AMPH: variants seen among roughly 807,000 people sequenced by gnomAD.
AMPH encodes amphiphysin (Stiff-Mann syndrome with breast cancer 128kD autoantigen).
AMPH carries 49 observed loss-of-function variants against 99.1 expected under a neutral mutation model. The observed-to-expected ratio is 0.49, with a 90% CI of 0.39 to 0.63. AMPH has a LOEUF of 0.63. Among genes scored for constraint, AMPH ranks in the 20% least tolerant of loss-of-function variants. The pLI is 0.00. For missense variants in AMPH, 759 were observed against 863.4 expected (o/e 0.88, Z 1.52); for synonymous variants, 314 against 317.3 (o/e 0.99, Z 0.11).
chr7:38,453,359 G>A (rs1787106378), intron 11 of AMPH, among the ~76,000 whole-genome samples: 1 of 152,180 alleles, frequency 6.6e-6, no homozygotes, highest in Non-Finnish European at 1.5e-5. Context: ...TATGCATAAA[G>A]CACTAGCAAA....
At chr7:38,403,703 G>C (rs942959221) in intron 17 of AMPH, among the ~76,000 whole-genome samples, 2 of 152,214 alleles carry the variant, frequency 1.3e-5, no homozygotes, top group Non-Finnish European at 2.9e-5. Flanking sequence ...GTGCCCCTTG[G>C]AACAAAGGAA....
chr7:38,420,919 A>T, intron 16 of AMPH: 1 of 456,194 alleles, frequency 2.2e-6, no homozygotes, highest in South Asian at 1.6e-5. Flanking sequence ...TACCTCGCTC[A>T]GAATAGTCAA....
intron 5 of AMPH, among the ~76,000 whole-genome samples, chr7:38,479,533 A>G (rs1788213101): frequency 6.6e-6 from 1 of 151,924 alleles, no homozygotes; most frequent in East Asian, 1.9e-4. Flanking sequence ...AAGGTAACTG[A>G]TCATTCAGAG....
chr7:38,407,046 C>CTATATA (rs1785036862), intron 17 of AMPH, among the ~76,000 whole-genome samples: 1 of 15,080 alleles, frequency 6.6e-5, no homozygotes, highest in Non-Finnish European at 1.4e-4. Context: ...CTCTCTCTCT[C>CTATATA]TCTATATATA....
intron 17 of AMPH, among the ~76,000 whole-genome samples, chr7:38,399,539 G>T (rs1313951840): frequency 6.6e-6 from 1 of 152,198 alleles, no homozygotes; most frequent in Non-Finnish European, 1.5e-5. Flanking sequence ...ATCAATGAAA[G>T]TTATACCTCT....
Position 38,513,928 on chromosome 7 carries a change from A to G in AMPH, c.151-10224T>C, listed in dbSNP as rs117280377. Among the ~76,000 whole-genome samples, 41 of 152,244 alleles carry G rather than the reference A, an allele frequency of 2.7e-4. 1 individual carries two copies. The East Asian group carries it at 4.8e-3, about 18-fold the overall frequency. On this transcript the variant is annotated intron_variant, in intron 2 of 20. Coordinates refer to ENST00000356264, the MANE Select transcript of AMPH (RefSeq NM_001635.4). ...CACATATTTCTGCCTTCTTAAGAAA[A>G]TGTTCTTTTGACCCTCACTCCTTCT...
intron 18 of AMPH, among the ~76,000 whole-genome samples, chr7:38,393,777 C>T (rs1042353234): frequency 6.6e-6 from 1 of 152,174 alleles, no homozygotes; most frequent in African/African-American, 2.4e-5. Context: ...CATGCTTAGG[C>T]CCAGTCAGCC....
At chr7:38,526,611 T>C (rs1790199915) in intron 2 of AMPH, among the ~76,000 whole-genome samples, 1 of 151,150 alleles carries the variant, frequency 6.6e-6, no homozygotes, top group Non-Finnish European at 1.5e-5. Context: ...CTAATGGAAC[T>C]GTTTAACTTA....
At chr7:38,595,875 T>C (rs769792647) in intron 1 of AMPH, among the ~76,000 whole-genome samples, 1 of 152,236 alleles carries the variant, frequency 6.6e-6, no homozygotes, top group African/African-American at 2.4e-5. Context: ...GCTGCATCCA[T>C]GTTGCTGCAA....
chr7:38,509,856 G>A (rs752745410), intron 2 of AMPH, among the ~76,000 whole-genome samples: 4 of 152,078 alleles, frequency 2.6e-5, no homozygotes, highest in East Asian at 1.9e-4. Context: ...CTTGCTGTTC[G>A]GTGTCTCCTG....
intron 1 of AMPH, among the ~76,000 whole-genome samples, chr7:38,567,543 TA>T (rs141070295): frequency 6.6e-6 from 1 of 151,976 alleles, no homozygotes; most frequent in South Asian, 2.1e-4. Flanking sequence ...TAATAAAAAT[TA>T]AAAAAATAAA....
chr7:38,518,428 G>A (rs951906056), intron 2 of AMPH, among the ~76,000 whole-genome samples: 1 of 152,210 alleles, frequency 6.6e-6, no homozygotes, highest in African/African-American at 2.4e-5. Context: ...AGTCACGGGG[G>A]CAGGACTTCC....
chr7:38,393,017 G>A (rs1189067292), intron 18 of AMPH, among the ~76,000 whole-genome samples: 1 of 152,162 alleles, frequency 6.6e-6, no homozygotes. Context: ...AGCAGAACGG[G>A]AGTCTTTCTA....
chr7:38,407,021 C>CCTCTCTCTCTCTCTCT (rs71558121), intron 17 of AMPH, among the ~76,000 whole-genome samples: 48 of 3,692 alleles, frequency 0.013, 7 homozygotes, highest in East Asian at 0.037. Context: ...CTAATAGACT[C>CCTCTCTCTCTCTCTCT]CTCTCTCTCT....
intron 2 of AMPH, among the ~76,000 whole-genome samples, chr7:38,528,527 G>C (rs1482450909): frequency 2.0e-5 from 3 of 152,112 alleles, no homozygotes; most frequent in Non-Finnish European, 4.4e-5. Flanking sequence ...AAAGTTGCTT[G>C]TATTATTCCC....
chr7:38,610,325 AG>A (rs1793612605), intron 1 of AMPH, among the ~76,000 whole-genome samples: 4 of 43,512 alleles, frequency 9.2e-5, no homozygotes, highest in Non-Finnish European at 1.8e-4. Flanking sequence ...AGAAAAGAAA[AG>A]AAAAGAAAAA....
chr7:38,578,423 CAT>C (rs1403553194), intron 1 of AMPH, among the ~76,000 whole-genome samples: 1 of 151,992 alleles, frequency 6.6e-6, no homozygotes, highest in African/African-American at 2.4e-5. Context: ...TAGTATTTAT[CAT>C]ATTAGATTTT....
At chr7:38,495,247 A>T (rs1461309432) in intron 3 of AMPH, among the ~76,000 whole-genome samples, 1 of 152,224 alleles carries the variant, frequency 6.6e-6, no homozygotes, top group African/African-American at 2.4e-5. Context: ...TTCGTCACAG[A>T]CACATCACAA....
intron 17 of AMPH, among the ~76,000 whole-genome samples, chr7:38,407,048 C>CTCTCTATATATA (rs1241166935): frequency 3.2e-5 from 1 of 31,268 alleles, no homozygotes; most frequent in Non-Finnish European, 6.1e-5. Context: ...CTCTCTCTCT[C>CTCTCTATATATA]TATATATATA....
Sources: allele counts gnomAD v4.1 joint callset (sites outside exome capture counted in the v4.1 genomes callset), GRCh38; gene constraint gnomAD v4.1.1; transcripts MANE v1.5; gene names NCBI Gene and HGNC (gene_info 2026-07-23, HGNC 2026-07-21).